Variants in TMEM132B observed in about 807,000 individuals in gnomAD.
TMEM132B encodes the protein transmembrane protein 132B.
TMEM132B carries 18 observed loss-of-function variants against 90.8 expected under a neutral mutation model. That is an observed-to-expected ratio of 0.20 (90% CI 0.14 to 0.29). The LOEUF (loss-of-function observed/expected upper bound fraction) is 0.29, where lower values mean the gene tolerates loss of function less well. TMEM132B is among the 10% of genes least tolerant of loss of function. TMEM132B has a pLI of 1.00. For synonymous variants in TMEM132B, 504 were observed against 523.3 expected (o/e 0.96, Z 0.50); for missense variants, 1,096 against 1,326.8 (o/e 0.83, Z 2.70).
chr12:125,187,167 G>C (rs1266314417), intron 1 of TMEM132B, among the ~76,000 whole-genome samples: 1 of 152,098 alleles, frequency 6.6e-6, no homozygotes, highest in African/African-American at 2.4e-5. Context: ...TGCAGGAATC[G>C]AGCCCCCTCC....
chr12:125,453,212 G>C (rs928990040), intron 3 of TMEM132B, among the ~76,000 whole-genome samples: 17 of 152,020 alleles, frequency 1.1e-4, no homozygotes, highest in African/African-American at 4.1e-4. Flanking sequence ...TTTTAAATGA[G>C]AGCATTTGGT....
intron 1 of TMEM132B, among the ~76,000 whole-genome samples, chr12:125,324,003 C>A (rs139502055): frequency 6.6e-6 from 1 of 152,016 alleles, no homozygotes; most frequent in Non-Finnish European, 1.5e-5. Flanking sequence ...ACCCCCCAAC[C>A]GTGAAATTTC....
Position 125,650,807 on chromosome 12 carries a change from C to G in TMEM132B, c.1768C>G (p.Gln590Glu). Residue 590 changes from glutamine to glutamate, a missense_variant, in exon 7 of 9, where the codon CAG (glutamine) becomes GAG (glutamate). Transcript: ENST00000682704. ...TGTGGCCGAGTCACCTGACTTAGGG[C>G]AGCTGACCTACATGCTGGGCCCCGA... ...QFVAESPDLG[Q>E]LTYMLGPDWQ... 1 of 1,614,230 alleles carries G rather than the reference C, an allele frequency of 6.2e-7. No homozygotes were observed. Among genetic ancestry groups the G allele is most frequent in the Non-Finnish European group, 8.5e-7 (1 of 1,180,046 alleles).
Position 125,359,149 on chromosome 12 carries a change from C to T in TMEM132B, c.959+8806C>T, listed in dbSNP as rs550583238. Among the ~76,000 whole-genome samples, 320 of 152,298 alleles carry T rather than the reference C, an allele frequency of 2.1e-3. 2 individuals carry two copies. The highest frequency in any genetic ancestry group is 7.2e-3 in the African/African-American group (298 of 41,546). Reference sequence around the variant, plus strand: ...CCCACATCTCTTGCTTGAATCACTGCATTTCTTAATAGATAAATGATCCTA... The same window carrying T: ...CCCACATCTCTTGCTTGAATCACTGTATTTCTTAATAGATAAATGATCCTA... On this transcript the variant is annotated intron_variant, in intron 2 of 8. Transcript: ENST00000682704.
intron 5 of TMEM132B, among the ~76,000 whole-genome samples, chr12:125,632,441 T>A (rs1886388868): frequency 6.6e-6 from 1 of 152,116 alleles, no homozygotes; most frequent in South Asian, 2.1e-4. Context: ...ACTTATAGTG[T>A]TATAATATTC....
intron 4 of TMEM132B, among the ~76,000 whole-genome samples, chr12:125,582,271 A>AATTATTATTATT (rs3042320): frequency 4.1e-5 from 6 of 145,820 alleles, no homozygotes; most frequent in East Asian, 2.0e-4. Flanking sequence ...AAGTTTTAGC[A>AATTATTATTATT]ATTATTATTA....
chr12:125,394,253 G>A (rs759345829), intron 2 of TMEM132B, among the ~76,000 whole-genome samples: 1 of 152,214 alleles, frequency 6.6e-6, no homozygotes, highest in Non-Finnish European at 1.5e-5. Context: ...CAGATAAACA[G>A]TAGAGCCAGG....
rs968920384 is a variant in TMEM132B at position 125,250,953 on chromosome 12, G to A, written c.67+64087G>A. On this transcript the variant is annotated intron_variant, in intron 1 of 8. Coordinates refer to ENST00000682704, the MANE Select transcript of TMEM132B (RefSeq NM_001366854.1). ...ACACAACTGCCAAGGTGACCTTTCA[G>A]CATTTCCTCTGCTTCAGTGCCCTGT... 4.6e-5 allele frequency among the ~76,000 whole-genome samples: 7 copies of A among 152,284 alleles called. No homozygotes were observed. The East Asian group carries it at 1.2e-3, about 25-fold the overall frequency.
chr12:125,546,824 G>A (rs376372420), intron 4 of TMEM132B, among the ~76,000 whole-genome samples: 2 of 152,138 alleles, frequency 1.3e-5, no homozygotes, highest in Non-Finnish European at 2.9e-5. Context: ...GTATTAATCT[G>A]TTCTCACACT....
At position 125,662,197 on chromosome 12, in the gene TMEM132B, G is replaced by A; in HGVS notation, c.*7487G>A. 6.6e-6 allele frequency: 1 copy of A among 152,178 alleles called. No homozygotes were observed. Among genetic ancestry groups the A allele is most frequent in the East Asian group, 1.9e-4 (1 of 5,200 alleles). 9.4% of individuals were successfully genotyped at this position (152,178 alleles called of 1,614,324 possible). A position where few individuals can be genotyped will look rare whatever the true frequency, so the allele number is the denominator to read the frequency against. On this transcript the variant is annotated 3_prime_UTR_variant, in exon 9 of 9. Transcript: ENST00000682704. ...GTAAACACCAGATATTATAAACAGAGCATGCTGTTATGACATTGTGCTTCT... is the reference window on the plus strand; with the variant it reads ...GTAAACACCAGATATTATAAACAGAACATGCTGTTATGACATTGTGCTTCT...
chr12:125,373,134 G>T (rs1164879031), intron 2 of TMEM132B, among the ~76,000 whole-genome samples: 1 of 152,178 alleles, frequency 6.6e-6, no homozygotes, highest in Non-Finnish European at 1.5e-5. Context: ...ACATTACAAG[G>T]TCAGCTCCAT....
At chr12:125,305,045 A>T (rs1875925624) in intron 1 of TMEM132B, among the ~76,000 whole-genome samples, 1 of 151,070 alleles carries the variant, frequency 6.6e-6, no homozygotes, top group South Asian at 2.1e-4. Context: ...TTACTTTTTA[A>T]CTCCCCTGGG....
Position 125,377,622 on chromosome 12 carries a change from AATTATT to A in TMEM132B, c.959+27286_959+27291del, listed in dbSNP as rs564174500. Among the ~76,000 whole-genome samples the A allele has an allele frequency of 4.9e-3, 740 of 152,214 alleles. 2 individuals carry two copies. Among genetic ancestry groups the A allele is most frequent in the Non-Finnish European group, 8.7e-3 (595 of 68,002 alleles). ...AGAACAGGGCCTGGCTCAGGGATCT[AATTATT>A]ATTATTTTCCATGTTGTTATAATTT... is the stretch of plus-strand genomic sequence containing the variant. On this transcript the variant is annotated intron_variant, in intron 2 of 8. Transcript: ENST00000682704.
intron 4 of TMEM132B, among the ~76,000 whole-genome samples, chr12:125,529,590 T>C (rs955785887): frequency 6.6e-6 from 1 of 152,150 alleles, no homozygotes; most frequent in African/African-American, 2.4e-5. Context: ...GGGGGTAGCC[T>C]CTGTCTGTGG....
At chr12:125,552,177 G>A (rs1429738686) in intron 4 of TMEM132B, among the ~76,000 whole-genome samples, 1 of 152,162 alleles carries the variant, frequency 6.6e-6, no homozygotes, top group Non-Finnish European at 1.5e-5. Context: ...TAATGATTAC[G>A]TTATTAGATC....
intron 2 of TMEM132B, among the ~76,000 whole-genome samples, chr12:125,351,706 G>A (rs776977576): frequency 9.2e-5 from 14 of 152,202 alleles, no homozygotes; most frequent in Admixed American, 2.0e-4. Context: ...TCAAAAACTT[G>A]GAGCTTGGAG....
At chr12:125,353,883 A>G (rs765311780) in intron 2 of TMEM132B, among the ~76,000 whole-genome samples, 3 of 152,236 alleles carry the variant, frequency 2.0e-5, no homozygotes. Flanking sequence ...CTTCTTGGTA[A>G]GTAGAAACCC....
At chr12:125,439,196 G>A (rs978011201) in intron 3 of TMEM132B, among the ~76,000 whole-genome samples, 39 of 151,358 alleles carry the variant, frequency 2.6e-4, no homozygotes, top group Admixed American at 1.9e-3. Context: ...TTCTAGTTCC[G>A]TGAAGAATGT....
At chr12:125,450,111 T>C (rs551309055) in intron 3 of TMEM132B, among the ~76,000 whole-genome samples, 1 of 152,304 alleles carries the variant, frequency 6.6e-6, no homozygotes, top group South Asian at 2.1e-4. Context: ...CTCTGTTCAG[T>C]AGAAGGGCTA....
Sources: allele counts gnomAD v4.1 joint callset (sites outside exome capture counted in the v4.1 genomes callset), GRCh38; gene constraint gnomAD v4.1.1; transcripts MANE v1.5; gene names NCBI Gene and HGNC (gene_info 2026-07-23, HGNC 2026-07-21).